Variants in NCKAP5 observed in about 807,000 individuals in gnomAD.
NCKAP5 encodes the protein nck-associated protein 5.
In NCKAP5, 92 loss-of-function variants were observed where a neutral mutation model predicts 167.0. The observed-to-expected ratio is 0.55, with a 90% CI of 0.47 to 0.66. The LOEUF is 0.66. NCKAP5 is among the 30% of genes least tolerant of loss of function. The probability of loss-of-function intolerance (pLI) is 0.00; values close to 1 mark genes in which losing one functional copy is unlikely to be tolerated. For synonymous variants in NCKAP5, 891 were observed against 877.4 expected, an observed-to-expected ratio of 1.02 and a Z score of -0.27; for missense variants, 2,378 against 2,315.0, an observed-to-expected ratio of 1.03 and a Z score of -0.56.
chr2:133,620,236 C>T, the NCKAP5 span, among the ~76,000 whole-genome samples: 1 of 151,806 alleles, frequency 6.6e-6, no homozygotes, highest in South Asian at 2.1e-4. Context: ...TATCTCATGT[C>T]TAATACTAAC....
In NCKAP5 at chr2:133,051,774, C is replaced by A. The variant is rs552216814; in HGVS notation, c.342-57535G>T. On this transcript the variant is annotated intron_variant, in intron 6 of 19. Transcript: ENST00000409261. ...AAATATATCTCCCATAAGTTACTAT[C>A]AAAAATGTTTAAGCATGGGTTCTAG... is the stretch of plus-strand genomic sequence containing the variant. Among the ~76,000 whole-genome samples, 370 of 152,276 alleles carry A rather than the reference C, an allele frequency of 2.4e-3. 1 individual carries two copies. Among genetic ancestry groups the A allele is most frequent in the Middle Eastern group, 3.4e-3 (1 of 294 alleles).
intron 19 of NCKAP5, among the ~76,000 whole-genome samples, chr2:132,698,749 A>T (rs1447763381): frequency 6.6e-6 from 1 of 152,072 alleles, no homozygotes; most frequent in Non-Finnish European, 1.5e-5. Flanking sequence ...CAGGAGAATC[A>T]CTTGAACCCG....
chr2:132,798,407 A>G (rs1234341821), intron 11 of NCKAP5, among the ~76,000 whole-genome samples: 1 of 152,240 alleles, frequency 6.6e-6, no homozygotes, highest in Non-Finnish European at 1.5e-5. Context: ...AAAGAATTAC[A>G]ATGTTGTGAG....
chr2:133,029,678 C>G (rs1330313080), intron 6 of NCKAP5, among the ~76,000 whole-genome samples: 2 of 152,068 alleles, frequency 1.3e-5, no homozygotes, highest in Admixed American at 1.3e-4. Context: ...ATTTCCCAGT[C>G]CCCTGAAATG....
chr2:133,096,072 C>G (rs145811433), intron 6 of NCKAP5, among the ~76,000 whole-genome samples: 6 of 152,226 alleles, frequency 3.9e-5, no homozygotes, highest in Admixed American at 3.9e-4. Context: ...GGTGTTATAT[C>G]CCTTGATCTA....
the NCKAP5 span, among the ~76,000 whole-genome samples, chr2:133,652,825 T>G: frequency 7.2e-6 from 1 of 139,774 alleles, no homozygotes; most frequent in Non-Finnish European, 1.6e-5. Flanking sequence ...GAAGATGAAC[T>G]GATGATCTAC....
intron 5 of NCKAP5, among the ~76,000 whole-genome samples, chr2:133,184,429 T>A (rs1037853034): frequency 6.6e-6 from 1 of 152,178 alleles, no homozygotes; most frequent in Non-Finnish European, 1.5e-5. Context: ...GACTAACATA[T>A]GAATGCATGT....
intron 11 of NCKAP5, among the ~76,000 whole-genome samples, chr2:132,823,500 C>G (rs1267688566): frequency 6.6e-6 from 1 of 151,876 alleles, no homozygotes; most frequent in Non-Finnish European, 1.5e-5. Flanking sequence ...TAAATAAATA[C>G]CGAGAGAATT....
At chr2:133,559,816 G>T (rs1339516896) in intron 1 of NCKAP5, among the ~76,000 whole-genome samples, 1 of 152,084 alleles carries the variant, frequency 6.6e-6, no homozygotes, top group Admixed American at 6.6e-5. Context: ...TCAAATCCTG[G>T]TCTAACGTAC....
chr2:133,527,431 G>A (rs1242438913), intron 2 of NCKAP5, among the ~76,000 whole-genome samples: 1 of 152,060 alleles, frequency 6.6e-6, no homozygotes, highest in African/African-American at 2.4e-5. Context: ...TTACCTAGGA[G>A]CTTTTTTTTC....
At chr2:133,195,567 T>A (rs1216978410) in intron 5 of NCKAP5, among the ~76,000 whole-genome samples, 1 of 152,156 alleles carries the variant, frequency 6.6e-6, no homozygotes, top group African/African-American at 2.4e-5. Flanking sequence ...GTCTGGGCCA[T>A]TGAAGAATGG....
chr2:132,763,480 A>G (rs1681183977), intron 16 of NCKAP5, among the ~76,000 whole-genome samples: 1 of 152,184 alleles, frequency 6.6e-6, no homozygotes, highest in South Asian at 2.1e-4. Flanking sequence ...CATCAGAATC[A>G]CCTGCGGATC....
intron 12 of NCKAP5, 114 bp from the exon 13 acceptor site, chr2:132,790,319 G>A (rs894362463): frequency 1.1e-6 from 1 of 919,362 alleles, no homozygotes; most frequent in Non-Finnish European, 1.6e-6. Flanking sequence ...TATGGCAGGA[G>A]TACATCCTGA....
intron 5 of NCKAP5, among the ~76,000 whole-genome samples, chr2:133,156,311 T>C (rs376705340): frequency 1.3e-5 from 2 of 152,158 alleles, no homozygotes; most frequent in African/African-American, 4.8e-5. Context: ...TCAGCGTCAG[T>C]TTTTCACCTC....
At chr2:132,944,407 T>C (rs966074429) in intron 8 of NCKAP5, among the ~76,000 whole-genome samples, 1 of 152,210 alleles carries the variant, frequency 6.6e-6, no homozygotes, top group South Asian at 2.1e-4. Context: ...TTGTGCCAAT[T>C]TCTGTGTTAA....
intron 16 of NCKAP5, among the ~76,000 whole-genome samples, chr2:132,760,092 C>T (rs1680875159): frequency 6.6e-6 from 1 of 152,044 alleles, no homozygotes; most frequent in Non-Finnish European, 1.5e-5. Flanking sequence ...ATGCCTCTTC[C>T]CACTCATTTC....
At chr2:133,537,688 G>T (rs1407628628) in intron 2 of NCKAP5, among the ~76,000 whole-genome samples, 1 of 151,938 alleles carries the variant, frequency 6.6e-6, no homozygotes, top group Non-Finnish European at 1.5e-5. Flanking sequence ...TGCTTTAAAA[G>T]ATGCATTTTT....
In NCKAP5 at chr2:132,838,360, G is replaced by A. The variant is rs183548071; in HGVS notation, c.807+22132C>T. On this transcript the variant is annotated intron_variant, in intron 11 of 19. Transcript: ENST00000409261. ...ACTTAATGAAATCGGGGCCGGGCGCGGTGGTTCACGCCTGTAATCAGAGCA... is the reference window on the plus strand; with the variant it reads ...ACTTAATGAAATCGGGGCCGGGCGCAGTGGTTCACGCCTGTAATCAGAGCA... Among the ~76,000 whole-genome samples the A allele has an allele frequency of 3.9e-5, 6 of 152,248 alleles. No homozygotes were observed. The East Asian group carries it at 7.7e-4, about 20-fold the overall frequency.
intron 3 of NCKAP5, among the ~76,000 whole-genome samples, chr2:133,312,809 A>G (rs1203672100): frequency 1.3e-5 from 2 of 152,216 alleles, no homozygotes; most frequent in Non-Finnish European, 2.9e-5. Context: ...ATATTGGTCA[A>G]TTCTTTTCAA....
Sources: gnomAD v4.1 joint callset for allele counts (sites outside exome capture counted in the v4.1 genomes callset) on GRCh38, gnomAD v4.1.1 for gene constraint, MANE v1.5 for transcripts, NCBI Gene and HGNC (gene_info 2026-07-23, HGNC 2026-07-21) for gene names.